LRRTM4: variants seen among roughly 807,000 people sequenced by gnomAD.
The protein encoded by LRRTM4 is leucine rich repeat transmembrane neuronal 4, also known as leucine-rich repeat transmembrane neuronal protein 4.
A neutral mutation model predicts 47.6 loss-of-function variants in LRRTM4; 25 were observed. That is an observed-to-expected ratio of 0.53 (90% CI 0.38 to 0.73). The LOEUF (loss-of-function observed/expected upper bound fraction) is 0.73. LRRTM4 is among the 30% of genes least tolerant of loss of function. The probability of loss-of-function intolerance (pLI) is 0.00; values close to 1 mark genes in which losing one functional copy is unlikely to be tolerated. For synonymous variants in LRRTM4, 311 were observed against 269.5 expected (o/e 1.15, Z -1.51); for missense variants, 638 against 713.4 (o/e 0.89, Z 1.20).
At chr2:77,246,842 TA>T (rs1193957877) in intron 3 of LRRTM4, among the ~76,000 whole-genome samples, 5 of 152,128 alleles carry the variant, frequency 3.3e-5, no homozygotes, top group African/African-American at 1.2e-4. Flanking sequence ...CATGTATACA[TA>T]TATGCATATA....
chr2:77,232,150 A>T (rs1466388810), intron 3 of LRRTM4, among the ~76,000 whole-genome samples: 1 of 152,170 alleles, frequency 6.6e-6, no homozygotes, highest in African/African-American at 2.4e-5. Context: ...AATGGGAAAA[A>T]ATACTGAAAC....
At chr2:77,264,700 T>C (rs1402866574) in intron 3 of LRRTM4, among the ~76,000 whole-genome samples, 4 of 152,098 alleles carry the variant, frequency 2.6e-5, no homozygotes, top group Non-Finnish European at 5.9e-5. Context: ...TCAAATGTAT[T>C]AGATGTCATG....
intron 3 of LRRTM4, among the ~76,000 whole-genome samples, chr2:77,010,965 G>A (rs1239939735): frequency 2.6e-5 from 4 of 151,966 alleles, no homozygotes; most frequent in African/African-American, 9.7e-5. Flanking sequence ...TATGATTTTG[G>A]GGACTTTCTC....
intron 3 of LRRTM4, among the ~76,000 whole-genome samples, chr2:77,168,375 C>T (rs1231544278): frequency 6.6e-6 from 1 of 151,946 alleles, no homozygotes; most frequent in African/African-American, 2.4e-5. Flanking sequence ...AAATCCTCTG[C>T]TACTTATTAT....
chr2:77,365,277 G>A (rs1315921816), intron 3 of LRRTM4, among the ~76,000 whole-genome samples: 1 of 151,960 alleles, frequency 6.6e-6, no homozygotes, highest in Non-Finnish European at 1.5e-5. Context: ...ACCTAGTTAT[G>A]TTCCATATAT....
intron 3 of LRRTM4, among the ~76,000 whole-genome samples, chr2:77,299,038 T>A (rs929668267): frequency 2.0e-5 from 3 of 152,074 alleles, no homozygotes; most frequent in African/African-American, 7.2e-5. Context: ...ACAAGAAGGT[T>A]TACATAACGT....
At chr2:76,771,287 C>G (rs1029234330) in intron 3 of LRRTM4, among the ~76,000 whole-genome samples, 1 of 152,112 alleles carries the variant, frequency 6.6e-6, no homozygotes, top group Non-Finnish European at 1.5e-5. Context: ...GTATCAAGTC[C>G]CATTCATGTC....
intron 3 of LRRTM4, among the ~76,000 whole-genome samples, chr2:77,327,083 G>A (rs1008706302): frequency 1.1e-4 from 17 of 152,078 alleles, no homozygotes; most frequent in Non-Finnish European, 1.8e-4. Flanking sequence ...TAAAGGAGCA[G>A]GGAAAAAGAT....
chr2:77,110,937 G>C (rs2103933763), intron 3 of LRRTM4, among the ~76,000 whole-genome samples: 1 of 152,178 alleles, frequency 6.6e-6, no homozygotes, highest in Non-Finnish European at 1.5e-5. Flanking sequence ...CTAAGCTTTT[G>C]CTTTTGTACT....
intron 3 of LRRTM4, among the ~76,000 whole-genome samples, chr2:77,084,058 G>A (rs1680628661): frequency 6.6e-6 from 1 of 151,902 alleles, no homozygotes; most frequent in South Asian, 2.1e-4. Context: ...ACCCGCCTCG[G>A]CCTCCCAAAG....
intron 3 of LRRTM4, among the ~76,000 whole-genome samples, chr2:77,419,860 A>C (rs546222064): frequency 5.9e-5 from 9 of 152,310 alleles, no homozygotes; most frequent in Non-Finnish European, 1.0e-4. Context: ...CAGAAATACA[A>C]AGGAAAGGAA....
chr2:77,048,504 A>T (rs898744271), intron 3 of LRRTM4, among the ~76,000 whole-genome samples: 1 of 152,070 alleles, frequency 6.6e-6, no homozygotes, highest in African/African-American at 2.4e-5. Context: ...TTCCATATGC[A>T]TATGATTAAA....
rs1051531623 is a variant in LRRTM4 at position 77,314,113 on chromosome 2, G to A, written c.1551+204205C>T. On this transcript the variant is annotated intron_variant, in intron 3 of 3. Coordinates refer to ENST00000409884, the MANE Select transcript of LRRTM4 (RefSeq NM_001134745.3). ...AGATCATTGTAAGGAGCAAACTCAC[G>A]CATATTTTAGATCAAGCTTGTTTAT... is the stretch of plus-strand genomic sequence containing the variant. 2.6e-5 allele frequency among the ~76,000 whole-genome samples: 4 copies of A among 152,208 alleles called. No individual in the cohort carries two copies. In the South Asian group the frequency reaches 6.2e-4, roughly 24 times the overall value.
intron 3 of LRRTM4, among the ~76,000 whole-genome samples, chr2:76,901,495 A>G (rs1673630899): frequency 6.6e-6 from 1 of 152,172 alleles, no homozygotes; most frequent in South Asian, 2.1e-4. Context: ...AAGGGAGAGC[A>G]GTGTTAAGTC....
At chr2:77,030,140 A>T (rs1678602010) in intron 3 of LRRTM4, among the ~76,000 whole-genome samples, 1 of 152,232 alleles carries the variant, frequency 6.6e-6, no homozygotes. Flanking sequence ...GAAGTGATAA[A>T]AATGTAAATA....
At chr2:77,484,234 T>C (rs1240028708) in intron 3 of LRRTM4, among the ~76,000 whole-genome samples, 1 of 152,254 alleles carries the variant, frequency 6.6e-6, no homozygotes, top group Non-Finnish European at 1.5e-5. Context: ...GCACTTGAGC[T>C]AGCAACAGGG....
chr2:77,435,441 A>C (rs1159865775), intron 3 of LRRTM4, among the ~76,000 whole-genome samples: 1 of 152,196 alleles, frequency 6.6e-6, no homozygotes, highest in African/African-American at 2.4e-5. Context: ...TCTTAGGTCA[A>C]TTATCCTATA....
chr2:77,282,147 T>A (rs180699389), intron 3 of LRRTM4, among the ~76,000 whole-genome samples: 12 of 152,076 alleles, frequency 7.9e-5, no homozygotes, highest in African/African-American at 2.9e-4. Context: ...CTTGTAAAGA[T>A]CTTTCACCTC....
At chr2:76,981,644 C>A (rs1199477732) in intron 3 of LRRTM4, among the ~76,000 whole-genome samples, 1 of 151,972 alleles carries the variant, frequency 6.6e-6, no homozygotes, top group African/African-American at 2.4e-5. Flanking sequence ...AGGGGCATGC[C>A]ACCATGCCTA....
Sources: gnomAD v4.1 joint callset for allele counts (sites outside exome capture counted in the v4.1 genomes callset) on GRCh38, gnomAD v4.1.1 for gene constraint, MANE v1.5 for transcripts, NCBI Gene and HGNC (gene_info 2026-07-23, HGNC 2026-07-21) for gene names.